The following ACOX3 variants were observed in gnomAD, a reference collection of about 807,000 sequenced individuals.
ACOX3 encodes acyl-CoA oxidase 3, pristanoyl.
A neutral mutation model predicts 81.5 loss-of-function variants in ACOX3; 73 were observed. The observed-to-expected ratio is 0.90, with a 90% confidence interval of 0.74 to 1.09. ACOX3 has a LOEUF of 1.09. ACOX3 is among the 50% of genes least tolerant of loss of function. The probability of loss-of-function intolerance (pLI) is 0.00; values close to 1 mark genes in which losing one functional copy is unlikely to be tolerated. For missense variants in ACOX3, 947 were observed against 928.0 expected, an observed-to-expected ratio of 1.02 and a Z score of -0.27; for synonymous variants, 387 against 375.1, an observed-to-expected ratio of 1.03 and a Z score of -0.37.
At chr4:8,422,053 T>A (rs369613840) in intron 1 of ACOX3, among the ~76,000 whole-genome samples, 31 of 152,274 alleles carry the variant, frequency 2.0e-4, no homozygotes, top group African/African-American at 7.0e-4. Flanking sequence ...CATATTCCTA[T>A]AGAGGCAAAT....
intron 15 of ACOX3, chr4:8,374,131 T>C (rs1242636584): frequency 1.1e-5 from 2 of 184,996 alleles, no homozygotes; most frequent in African/African-American, 4.7e-5. Context: ...CGCTGTGGTT[T>C]CTGGCAGGGC....
At chr4:8,356,434 T>C in the ACOX3 span, 5 of 415,080 alleles carry the variant, frequency 1.2e-5, no homozygotes, top group Non-Finnish European at 2.4e-5. Flanking sequence ...GAAGCCTTGA[T>C]CTCTCCATCT....
In ACOX3 at chr4:8,370,108, C is replaced by T. The variant is rs1390059271; in HGVS notation, c.1983+800G>A. Among the ~76,000 whole-genome samples, 1 of 152,206 alleles carries T rather than the reference C, an allele frequency of 6.6e-6. No individual in the cohort carries two copies. Among genetic ancestry groups the T allele is most frequent in the Non-Finnish European group, 1.5e-5 (1 of 68,044 alleles). ...CTCAGCTGGAGGCCAGAGAAGGCCT[C>T]TCCAAGGCAGCAATAGTCAGCTTAT... is the stretch of plus-strand genomic sequence containing the variant. On this transcript the variant is annotated intron_variant, in intron 17 of 17. Coordinates refer to ENST00000356406, the MANE Select transcript of ACOX3 (RefSeq NM_003501.3). This position sits in a 1 kb window ranked among gnomAD's most constrained non-coding sequence, Gnocchi z 6.3.
At chr4:8,397,285 C>T (rs894857082) in intron 8 of ACOX3, among the ~76,000 whole-genome samples, 166 bp from the exon 9 acceptor site, 8 of 152,188 alleles carry the variant, frequency 5.3e-5, no homozygotes, top group African/African-American at 7.2e-5. Context: ...GTGCGGCAGG[C>T]GGGTAGAGAT....
rs1722729048 is a variant in ACOX3, at chr4:8,419,676, C to T, written c.-14-3141G>A. Among the ~76,000 whole-genome samples, 1 of 152,136 alleles carries T rather than the reference C, an allele frequency of 6.6e-6. No individual in the cohort carries two copies. Among genetic ancestry groups the T allele is most frequent in the Non-Finnish European group, 1.5e-5 (1 of 68,042 alleles). On this transcript the variant is annotated intron_variant, in intron 1 of 17. Transcript: ENST00000356406. The surrounding 1 kb of genome is among the most constrained non-coding windows in gnomAD (Gnocchi z 4.2). Reference sequence around the variant, plus strand: ...TCACGTCCTCAATGTGTGCAAGGCTCCCCGATTCACACCTCCAGACTCGTG... The same window carrying T: ...TCACGTCCTCAATGTGTGCAAGGCTTCCCGATTCACACCTCCAGACTCGTG...
At chr4:8,427,503 G>A (rs1294355512) in intron 1 of ACOX3, among the ~76,000 whole-genome samples, 3 of 152,216 alleles carry the variant, frequency 2.0e-5, no homozygotes, top group South Asian at 2.1e-4. Flanking sequence ...GCGAGGCACC[G>A]GTTGCTGCTC....
rs1264103354 is a variant in ACOX3 at position 8,410,978 on chromosome 4, G to A, written c.544-623C>T. Among the ~76,000 whole-genome samples the A allele has an allele frequency of 2.0e-5, 3 of 152,242 alleles. No homozygotes were observed. In the East Asian group the frequency reaches 5.8e-4, roughly 29 times the overall value. ...AGAAGGGGTGTGGACAGATCCCCAA[G>A]GAACACTGAGGGTGCTGCATGGGTC... On this transcript the variant is annotated intron_variant, in intron 5 of 17. Coordinates refer to ENST00000356406, the MANE Select transcript of ACOX3 (RefSeq NM_003501.3).
downstream of ACOX3, among the ~76,000 whole-genome samples, chr4:8,364,324 A>G (rs1715295978): frequency 6.6e-6 from 1 of 152,240 alleles, no homozygotes; most frequent in Non-Finnish European, 1.5e-5. This position sits in a 1 kb window ranked among gnomAD's most constrained non-coding sequence, Gnocchi z 5.0. Flanking sequence ...TTGGCTCAGA[A>G]TAAACCTCTT....
intron 1 of ACOX3, among the ~76,000 whole-genome samples, chr4:8,434,914 A>C (rs1356394866): frequency 1.3e-5 from 2 of 152,038 alleles, no homozygotes; most frequent in Admixed American, 6.6e-5. Flanking sequence ...TTTAGTTTTG[A>C]TTTTCCTTTA....
Position 8,394,796 on chromosome 4 carries a change from C to A in ACOX3, c.1057-54G>T. Reference sequence around the variant, plus strand: ...ACATCGTGGTTCCCATGAAGGGCAGCCCATCCCAGGGACCATGAAAGCCAG... The same window carrying A: ...ACATCGTGGTTCCCATGAAGGGCAGACCATCCCAGGGACCATGAAAGCCAG... On this transcript the variant is annotated intron_variant, in intron 9 of 17. Transcript: ENST00000356406. The surrounding 1 kb of genome is among the most constrained non-coding windows in gnomAD (Gnocchi z 5.9). 1.3e-6 allele frequency: 2 copies of A among 1,579,358 alleles called. No individual in the cohort carries two copies. Among genetic ancestry groups the A allele is most frequent in the East Asian group, 2.3e-5 (1 of 43,482 alleles).
chr4:8,391,321 C>T (rs985989897), intron 11 of ACOX3, among the ~76,000 whole-genome samples: 12 of 152,258 alleles, frequency 7.9e-5, no homozygotes, highest in Middle Eastern at 3.4e-3. Context: ...GGAACAGGTG[C>T]GAGTTAGAAC....
chr4:8,404,973 C>A (rs1578941569), intron 7 of ACOX3, among the ~76,000 whole-genome samples: 1 of 152,216 alleles, frequency 6.6e-6, no homozygotes, highest in South Asian at 2.1e-4. Context: ...GTGAGGGAGG[C>A]ACCAAATGGG....
In ACOX3 at chr4:8,414,139, G is replaced by T. The variant is rs189385749; in HGVS notation, c.543+153C>A. ...CTGATCTCCTGGGCCCCACTTTTCA[G>T]TGTGATGAATCTCAGTGGGTATTTC... is the stretch of plus-strand genomic sequence containing the variant. On this transcript the variant is annotated intron_variant, in intron 5 of 17. Transcript: ENST00000356406. The surrounding 1 kb of genome is among the most constrained non-coding windows in gnomAD (Gnocchi z 6.1). Among the ~76,000 whole-genome samples, 3 of 152,260 alleles carry T rather than the reference G, an allele frequency of 2.0e-5. No homozygotes were observed. The highest frequency in any genetic ancestry group is 4.4e-5 in the Non-Finnish European group (3 of 68,024).
intron 14 of ACOX3, among the ~76,000 whole-genome samples, chr4:8,377,139 C>T (rs964346495): frequency 1.1e-4 from 16 of 152,196 alleles, no homozygotes; most frequent in African/African-American, 3.6e-4. Context: ...TCCCACACCA[C>T]GAGGGCCTCT....
chr4:8,421,185 C>T (rs527557254), intron 1 of ACOX3, among the ~76,000 whole-genome samples: 1 of 152,220 alleles, frequency 6.6e-6, no homozygotes, highest in Non-Finnish European at 1.5e-5. Flanking sequence ...ACCACTTTCA[C>T]TTGCTATTCT....
chr4:8,405,858 C>T lies in ACOX3; in HGVS notation c.776+97G>A, dbSNP rs1459641455. The T allele has an allele frequency of 5.4e-5, 66 of 1,223,778 alleles. No homozygotes were observed. Among genetic ancestry groups the T allele is most frequent in the Non-Finnish European group, 6.0e-6 (5 of 829,300 alleles). 75.8% of individuals were successfully genotyped at this position (1,223,778 alleles called of 1,614,324 possible). A position where few individuals can be genotyped will look rare whatever the true frequency, so the allele number is the denominator to read the frequency against. ...CGCATTTGAGTCTAAGAGGGCAGGG[C>T]ATGGCATCCATGGGGCCAGTGAGAT... On this transcript the variant is annotated intron_variant, in intron 7 of 17. Coordinates refer to ENST00000356406, the MANE Select transcript of ACOX3 (RefSeq NM_003501.3). The surrounding 1 kb of genome is among the most constrained non-coding windows in gnomAD (Gnocchi z 7.1).
rs892791311 is a variant in ACOX3, at chr4:8,430,778, C to T, written c.-15+9870G>A. Among the ~76,000 whole-genome samples, 1 of 152,134 alleles carries T rather than the reference C, an allele frequency of 6.6e-6. No homozygotes were observed. Among genetic ancestry groups the T allele is most frequent in the Non-Finnish European group, 1.5e-5 (1 of 68,024 alleles). On this transcript the variant is annotated intron_variant, in intron 1 of 17. Coordinates refer to ENST00000356406, the MANE Select transcript of ACOX3 (RefSeq NM_003501.3). This position sits in a 1 kb window ranked among gnomAD's most constrained non-coding sequence, Gnocchi z 5.2. The stretch of plus-strand genomic sequence containing the variant: ...GGCTGAGGCAAGAGAATCGCCTGAA[C>T]GCAGGAGGTAGAGGTTGCAGTGAGC...
chr4:8,403,601 C>A (rs932430147), intron 7 of ACOX3, among the ~76,000 whole-genome samples: 2 of 152,172 alleles, frequency 1.3e-5, no homozygotes, highest in Admixed American at 6.5e-5. Context: ...CGTCAAAGGG[C>A]GGTCGTTATT....
At chr4:8,373,405 G>T (rs897311361) in intron 16 of ACOX3, among the ~76,000 whole-genome samples, 156 bp downstream of exon 16, 1 of 150,122 alleles carries the variant, frequency 6.7e-6, no homozygotes, top group Non-Finnish European at 1.5e-5. Context: ...GGGTAAGGGG[G>T]TGCGTGTAGG....
Sources: allele counts gnomAD v4.1 joint callset (sites outside exome capture counted in the v4.1 genomes callset), GRCh38; gene constraint gnomAD v4.1.1; non-coding constraint Gnocchi (gnomAD v3.1); transcripts MANE v1.5; gene names NCBI Gene and HGNC (gene_info 2026-07-23, HGNC 2026-07-21).